HEXD: variants seen among roughly 807,000 people sequenced by gnomAD.
HEXD encodes N-acetyl-beta-galactosaminidase.
In HEXD, 47 loss-of-function variants were observed where a neutral mutation model predicts 54.2. The ratio of observed to expected loss-of-function variants is 0.87; its 90% CI spans 0.69 to 1.11. The LOEUF is 1.11. Among genes scored for constraint, HEXD ranks in the 50% least tolerant of loss-of-function variants. HEXD has a pLI of 0.00. For missense variants in HEXD, 576 were observed against 649.2 expected, an observed-to-expected ratio of 0.89 and a Z score of 1.23; for synonymous variants, 293 against 287.6, an observed-to-expected ratio of 1.02 and a Z score of -0.19.
At chr17:82,433,955 ATCT>A in intron 5 of HEXD, 133 bp downstream of exon 5, 1 of 804,818 alleles carries the variant, frequency 1.2e-6, no homozygotes, top group Non-Finnish European at 1.9e-6. Context: ...CCCATCCAAC[ATCT>A]TCTCCGAGTG....
chr17:82,424,607 C>G, intron 3 of HEXD, 104 bp downstream of exon 3: 1 of 733,590 alleles, frequency 1.4e-6, no homozygotes, highest in Non-Finnish European at 2.4e-6. Context: ...GTGGCACAGT[C>G]AGGAACTGAA....
At chr17:82,440,547 T>C (rs562220298) in intron 9 of HEXD, 64 of 325,108 alleles carry the variant, frequency 2.0e-4, no homozygotes, top group Non-Finnish European at 3.0e-4. Context: ...GTCAGCCTCT[T>C]GCAGCAAGCA....
chr17:82,433,072 A>C (rs1416378389), intron 4 of HEXD, among the ~76,000 whole-genome samples: 1 of 22,492 alleles, frequency 4.4e-5, no homozygotes, highest in African/African-American at 2.2e-4. Flanking sequence ...TCTCAAAAAA[A>C]AAAAGAAAAA....
In HEXD at chr17:82,436,755, G is replaced by T. The variant is rs772963459; in HGVS notation, c.703+17G>T. On this transcript the variant is annotated intron_variant, in intron 7 of 12. Transcript: ENST00000327949. Reference sequence around the variant, plus strand: ...ACGGCAAGGGTCAGTGCCAAGTTGTGGGGGGTGTGTTGTCCTGGCCATGTG... The same window carrying T: ...ACGGCAAGGGTCAGTGCCAAGTTGTTGGGGGTGTGTTGTCCTGGCCATGTG... The T allele has an allele frequency of 1.4e-5, 22 of 1,605,852 alleles. No homozygotes were observed. In the Admixed American group the frequency reaches 2.9e-4, roughly 21 times the overall value.
chr17:82,435,770 C>T lies in HEXD; in HGVS notation c.529C>T (p.His177Tyr). The change falls in exon 6 of 13, where the codon CAC (histidine) becomes TAC (tyrosine). Residue 177 changes from histidine (H) to tyrosine (Y), a missense_variant. By Grantham distance (83) the His-to-Tyr change is moderately conservative (BLOSUM62 2). Coordinates refer to ENST00000327949, the MANE Select transcript of HEXD (RefSeq NM_001330542.2). ...QNSTGKLCLS[H>Y]MRAVASGVKA... ...CAGCACGGGGAAGTTGTGCCTGTCA[C>T]ACATGCGGGCGGTGGCCAGCGGCGT... is the stretch of plus-strand genomic sequence containing the variant. 6.2e-7 allele frequency: 1 copy of T among 1,612,966 alleles called. No individual in the cohort carries two copies. The highest frequency in any genetic ancestry group is 8.5e-7 in the Non-Finnish European group (1 of 1,179,902).
At chr17:82,436,846 G>A (rs1035137193) in intron 7 of HEXD, 108 bp downstream of exon 7, 30 of 1,050,212 alleles carry the variant, frequency 2.9e-5, no homozygotes, top group Non-Finnish European at 3.9e-5. Flanking sequence ...AGCCTGCACG[G>A]GTAGAGGCCA....
chr17:82,422,101 G>A (rs181675900), intron 2 of HEXD, among the ~76,000 whole-genome samples: 32 of 151,794 alleles, frequency 2.1e-4, no homozygotes, highest in Middle Eastern at 6.8e-3. Flanking sequence ...GGGAGGTGGA[G>A]GTTGCAGTAA....
chr17:82,429,445 T>C (rs1188147287), intron 4 of HEXD, among the ~76,000 whole-genome samples: 1 of 152,128 alleles, frequency 6.6e-6, no homozygotes, highest in East Asian at 1.9e-4. Context: ...CATGTCGGTG[T>C]TCTGGGCGTG....
Position 82,442,155 on chromosome 17 carries a change from T to TTCATGGCGCCCTCACCTGCAGCC in HEXD, c.1254-19_1257dup. ...AAGTCCCAAGTGTGCAGACTGTGCG[T>TTCATGGCGCCCTCACCTGCAGCC]TCATGGCGCCCTCACCTGCAGCCTC... On this transcript the variant is annotated intron_variant, in intron 12 of 12. Transcript: ENST00000327949. The surrounding 1 kb of genome is among the most constrained non-coding windows in gnomAD (Gnocchi z 6.8). The TTCATGGCGCCCTCACCTGCAGCC allele has an allele frequency of 6.3e-7, 1 of 1,587,414 alleles. No homozygotes were observed.
At chr17:82,436,984 C>A (rs763031560) in intron 7 of HEXD, 184 bp from the exon 8 acceptor site, 1 of 665,694 alleles carries the variant, frequency 1.5e-6, no homozygotes, top group Non-Finnish European at 2.6e-6. Flanking sequence ...CACGTACACT[C>A]TGGAGTCTCC....
chr17:82,424,677 C>G (rs543202434), intron 3 of HEXD, among the ~76,000 whole-genome samples, 174 bp downstream of exon 3: 1 of 152,354 alleles, frequency 6.6e-6, no homozygotes, highest in African/African-American at 2.4e-5. Flanking sequence ...TGTATGAAAA[C>G]AAAGTTTCAT....
In HEXD at chr17:82,442,279, C is replaced by T. The variant is rs1398942103; in HGVS notation, c.1356C>T (p.His452=). The change falls in exon 13 of 13, where the codon CAC becomes CAT. Residue 452 remains histidine (H), a synonymous_variant. Coordinates refer to ENST00000327949, the MANE Select transcript of HEXD (RefSeq NM_001330542.2). This position sits in a 1 kb window ranked among gnomAD's most constrained non-coding sequence, Gnocchi z 6.8. ...AGGAGTGGCTGGAGGAAAACGTGCA[C>T]CCCAGCCTGCAGCGGCTGCAAGCTC... ...AVEEWLEENV[H]PSLQRLQALL... 1 of 1,607,512 alleles carries T rather than the reference C, an allele frequency of 6.2e-7. No homozygotes were observed. The highest frequency in any genetic ancestry group is 1.7e-5 in the Admixed American group (1 of 60,010).
chr17:82,425,027 A>AAGGCTGGAGG (rs1307357973), intron 3 of HEXD, among the ~76,000 whole-genome samples: 9 of 144,100 alleles, frequency 6.2e-5, no homozygotes, highest in Non-Finnish European at 1.1e-4. Context: ...GAGGCTAGAG[A>AAGGCTGGAGG]AGGCTGGAGG....
At chr17:82,427,564 A>C (rs1023342591) in intron 3 of HEXD, among the ~76,000 whole-genome samples, 8 of 152,168 alleles carry the variant, frequency 5.3e-5, no homozygotes, top group Admixed American at 1.3e-4. Flanking sequence ...GAGATGATCA[A>C]GTGCGATGAC....
intron 9 of HEXD, 32 bp downstream of exon 9, chr17:82,439,745 C>T (rs1301338935): frequency 7.5e-6 from 12 of 1,598,728 alleles, no homozygotes; most frequent in East Asian, 2.2e-5. Context: ...CAAGCCCCAC[C>T]GGCCCCTCCC....
Position 82,442,142 on chromosome 17 carries a change from T to G in HEXD, c.1254-35T>G, listed in dbSNP as rs763153641. On this transcript the variant is annotated intron_variant, in intron 12 of 12. Coordinates refer to ENST00000327949, the MANE Select transcript of HEXD (RefSeq NM_001330542.2). The surrounding 1 kb of genome is among the most constrained non-coding windows in gnomAD (Gnocchi z 6.8). ...TGGGGCTGAGGGCAAGTCCCAAGTG[T>G]GCAGACTGTGCGTTCATGGCGCCCT... The G allele has an allele frequency of 8.2e-6, 13 of 1,580,448 alleles. No homozygotes were observed. The highest frequency in any genetic ancestry group is 1.1e-5 in the Non-Finnish European group (13 of 1,166,508).
At chr17:82,441,313 G>A (rs762466994) in intron 11 of HEXD, 47 bp downstream of exon 11, 36 of 1,556,420 alleles carry the variant, frequency 2.3e-5, no homozygotes, top group Non-Finnish European at 3.0e-5. Flanking sequence ...GGGCAGGCAT[G>A]GGGCGGGTGC....
chr17:82,437,053 C>A, intron 7 of HEXD, 115 bp from the exon 8 acceptor site: 1 of 921,870 alleles, frequency 1.1e-6, no homozygotes, highest in Non-Finnish European at 1.7e-6. Context: ...GAGACCCGGG[C>A]CTGGCTGTCT....
At chr17:82,425,884 A>T (rs1429639657) in intron 3 of HEXD, 2 of 152,336 alleles carry the variant, frequency 1.3e-5, no homozygotes, top group Non-Finnish European at 2.9e-5. Context: ...TGGGTGGATC[A>T]CTTGAGCTCA....
Sources: gnomAD v4.1 joint callset for allele counts (sites outside exome capture counted in the v4.1 genomes callset) on GRCh38, gnomAD v4.1.1 for gene constraint, Gnocchi (gnomAD v3.1) non-coding constraint, MANE v1.5 for transcripts, NCBI Gene and HGNC (gene_info 2026-07-23, HGNC 2026-07-21) for gene names.